The following ANKRD30BL variants were observed in gnomAD, a reference collection of about 807,000 sequenced individuals.
ANKRD30BL encodes the protein ankyrin repeat domain 30B like, also known as putative ankyrin repeat domain-containing protein 30B-like.
Under a neutral mutation model 18.4 loss-of-function variants are expected in ANKRD30BL, and 20 were observed. That is an observed-to-expected ratio of 1.09 (90% CI 0.77 to 1.58). The LOEUF is 1.58. Ranked by LOEUF, ANKRD30BL falls within the 40% of genes most tolerant of loss-of-function variation. The pLI, the probability that ANKRD30BL is intolerant of heterozygous loss-of-function variation, is 0.00. For synonymous variants in ANKRD30BL, 72 were observed against 100.9 expected (o/e 0.71, Z 1.72); for missense variants, 224 against 268.6 (o/e 0.83, Z 1.16).
chr2:132,174,781 G>A (rs1215676817), intron 1 of ANKRD30BL, among the ~76,000 whole-genome samples: 1 of 152,138 alleles, frequency 6.6e-6, no homozygotes, highest in Non-Finnish European at 1.5e-5. Context: ...AGTGAAGATG[G>A]TATCAGTGTT....
chr2:132,221,423 G>A (rs868065678), intron 1 of ANKRD30BL, among the ~76,000 whole-genome samples: 25 of 134,230 alleles, frequency 1.9e-4, no homozygotes, highest in South Asian at 9.1e-4. Flanking sequence ...GAGGTGGGGG[G>A]ATCAGCCCCC....
At chr2:132,207,317 T>C (rs1244131024) in intron 1 of ANKRD30BL, among the ~76,000 whole-genome samples, 1 of 152,092 alleles carries the variant, frequency 6.6e-6, no homozygotes, top group African/African-American at 2.4e-5. Context: ...TGTCTCCTAA[T>C]TGGCATTTAC....
At chr2:132,167,906 C>A (rs925889801) in intron 1 of ANKRD30BL, among the ~76,000 whole-genome samples, 1 of 152,190 alleles carries the variant, frequency 6.6e-6, no homozygotes, top group African/African-American at 2.4e-5. Flanking sequence ...TTCATTTCAT[C>A]TGTCCACATT....
intron 1 of ANKRD30BL, among the ~76,000 whole-genome samples, chr2:132,239,915 C>G (rs1401611499): frequency 6.7e-6 from 1 of 149,472 alleles, no homozygotes; most frequent in Non-Finnish European, 1.5e-5. Context: ...TTGAAACACT[C>G]TTTTTGTAGA....
chr2:132,251,598 T>G (rs1680651703), intron 1 of ANKRD30BL, among the ~76,000 whole-genome samples: 1 of 152,178 alleles, frequency 6.6e-6, no homozygotes, highest in African/African-American at 2.4e-5. Flanking sequence ...CCACAGATAG[T>G]TTTGTTAGCA....
chr2:132,222,230 C>T (rs1425375077), intron 1 of ANKRD30BL, among the ~76,000 whole-genome samples: 1 of 148,380 alleles, frequency 6.7e-6, no homozygotes, highest in African/African-American at 2.5e-5. Flanking sequence ...CAGCCCCCCG[C>T]CCGGCCAGCC....
At chr2:132,171,522 G>A (rs74848194) in intron 1 of ANKRD30BL, among the ~76,000 whole-genome samples, 1 of 152,262 alleles carries the variant, frequency 6.6e-6, no homozygotes, top group Non-Finnish European at 1.5e-5. Flanking sequence ...ACAACTGATA[G>A]GAGTTCATCA....
At chr2:132,148,469 A>C (rs1259957109) in intron 5 of ANKRD30BL, among the ~76,000 whole-genome samples, 1 of 141,174 alleles carries the variant, frequency 7.1e-6, no homozygotes, top group Non-Finnish European at 1.5e-5. Flanking sequence ...TCCTAGGTTC[A>C]TGAAATTCTC....
intron 1 of ANKRD30BL, among the ~76,000 whole-genome samples, chr2:132,194,841 G>A (rs1678932011): frequency 6.6e-6 from 1 of 152,342 alleles, no homozygotes; most frequent in Middle Eastern, 3.4e-3. Context: ...AGGGAGGAGA[G>A]AATTCTGAGA....
At chr2:132,246,105 T>G (rs1040680583) in intron 1 of ANKRD30BL, among the ~76,000 whole-genome samples, 23 of 149,118 alleles carry the variant, frequency 1.5e-4, no homozygotes, top group South Asian at 4.2e-4. Flanking sequence ...AGATTGACGC[T>G]TTCCTTGGAA....
intron 1 of ANKRD30BL, among the ~76,000 whole-genome samples, chr2:132,232,594 G>A (rs2104784611): frequency 6.6e-6 from 1 of 152,230 alleles, no homozygotes; most frequent in South Asian, 2.1e-4. Context: ...AGCAATGGAA[G>A]ATGAAATGAA....
chr2:132,240,223 C>G (rs982550068), intron 1 of ANKRD30BL, among the ~76,000 whole-genome samples: 1 of 151,704 alleles, frequency 6.6e-6, no homozygotes, highest in Non-Finnish European at 1.5e-5. Context: ...CAGAGTTACA[C>G]CTTTCCTTAT....
intron 1 of ANKRD30BL, among the ~76,000 whole-genome samples, chr2:132,208,333 T>C (rs542229592): frequency 6.6e-6 from 1 of 152,140 alleles, no homozygotes; most frequent in African/African-American, 2.4e-5. Flanking sequence ...ATTTGAAAGA[T>C]GTTTGCTCCA....
At chr2:132,162,194 C>T (rs1334472443), upstream of ANKRD30BL, among the ~76,000 whole-genome samples, 8 of 152,130 alleles carry the variant, frequency 5.3e-5, no homozygotes, top group Admixed American at 5.2e-4. Flanking sequence ...GGGCATCGTG[C>T]AGCCTCCAGG....
chr2:132,222,330 A>T (rs1270357344), intron 1 of ANKRD30BL, among the ~76,000 whole-genome samples: 1 of 151,990 alleles, frequency 6.6e-6, no homozygotes, highest in Non-Finnish European at 1.5e-5. Flanking sequence ...CCCGTCTGGG[A>T]GGTGTGCCCA....
intron 1 of ANKRD30BL, among the ~76,000 whole-genome samples, chr2:132,256,444 G>C (rs1386829138): frequency 1.3e-5 from 2 of 152,236 alleles, no homozygotes; most frequent in Non-Finnish European, 2.9e-5. Flanking sequence ...GTGTGCGGCA[G>C]CCGCGAGGGA....
chr2:132,216,425 G>A (rs1679499653), intron 1 of ANKRD30BL, among the ~76,000 whole-genome samples: 1 of 151,616 alleles, frequency 6.6e-6, no homozygotes, highest in African/African-American at 2.4e-5. Flanking sequence ...CCACAGAGTT[G>A]AATCTTACTT....
chr2:132,204,719 G>A (rs1443903270), intron 1 of ANKRD30BL, among the ~76,000 whole-genome samples: 1 of 152,098 alleles, frequency 6.6e-6, no homozygotes, highest in Non-Finnish European at 1.5e-5. Context: ...AGAAGGAAGA[G>A]TCAAGGTATA....
chr2:132,231,737 T>A (rs1327927558), intron 1 of ANKRD30BL, among the ~76,000 whole-genome samples: 2 of 151,896 alleles, frequency 1.3e-5, no homozygotes. Context: ...GAGATCAAAC[T>A]GCAAGGTGGC....
Sources: allele counts gnomAD v4.1 joint callset (sites outside exome capture counted in the v4.1 genomes callset), GRCh38; gene constraint gnomAD v4.1.1; transcripts MANE v1.5; gene names NCBI Gene and HGNC (gene_info 2026-07-23, HGNC 2026-07-21).